LRRC4C: variants seen among roughly 807,000 people sequenced by gnomAD.
LRRC4C encodes leucine rich repeat containing 4C, also known as leucine-rich repeat-containing protein 4C.
In LRRC4C, 5 loss-of-function variants were observed where a neutral mutation model predicts 33.6. The ratio of observed to expected loss-of-function variants is 0.15; its 90% CI spans 0.08 to 0.31. The LOEUF is 0.31. Ranked by LOEUF, LRRC4C falls within the 10% of genes least tolerant of loss-of-function variation. LRRC4C has a pLI of 1.00. For missense variants in LRRC4C, 560 were observed against 796.7 expected (o/e 0.70, Z 3.58); for synonymous variants, 329 against 302.0 (o/e 1.09, Z -0.93).
At chr11:41,076,010 A>C (rs909239061) in intron 1 of LRRC4C, among the ~76,000 whole-genome samples, 1 of 152,120 alleles carries the variant, frequency 6.6e-6, no homozygotes, top group African/African-American at 2.4e-5. Context: ...TCTTGTCTTG[A>C]TGTCTAAACA....
intron 1 of LRRC4C, among the ~76,000 whole-genome samples, chr11:41,231,615 TG>T (rs1591008766): frequency 1.8e-5 from 1 of 55,518 alleles, no homozygotes; most frequent in Non-Finnish European, 3.5e-5. Flanking sequence ...GGGCCCCTTG[TG>T]GGGTGGGGGG....
chr11:41,028,458 T>A (rs1330121479), intron 1 of LRRC4C, among the ~76,000 whole-genome samples: 1 of 151,626 alleles, frequency 6.6e-6, no homozygotes, highest in African/African-American at 2.4e-5. Context: ...TCAGAATTAT[T>A]GCAATTTCAT....
chr11:40,809,876 C>T (rs1951414602), intron 2 of LRRC4C, among the ~76,000 whole-genome samples: 1 of 152,058 alleles, frequency 6.6e-6, no homozygotes, highest in South Asian at 2.1e-4. Flanking sequence ...CATTTTATTT[C>T]CAAGACTTAT....
At chr11:40,814,346 C>T (rs1051470745) in intron 2 of LRRC4C, among the ~76,000 whole-genome samples, 1 of 152,100 alleles carries the variant, frequency 6.6e-6, no homozygotes, top group Non-Finnish European at 1.5e-5. Context: ...TTGAGCTGTA[C>T]CTTGGCTCCT....
intron 1 of LRRC4C, among the ~76,000 whole-genome samples, chr11:40,984,457 G>A (rs1012282306): frequency 2.6e-5 from 4 of 152,072 alleles, no homozygotes; most frequent in Non-Finnish European, 5.9e-5. Flanking sequence ...AAGACAGACA[G>A]ACATGACATT....
intron 6 of LRRC4C, among the ~76,000 whole-genome samples, chr11:40,128,389 T>C (rs1398416243): frequency 6.6e-6 from 1 of 152,234 alleles, no homozygotes; most frequent in Non-Finnish European, 1.5e-5. Flanking sequence ...GTCTGTCTAC[T>C]TTTCCTCATT....
At chr11:41,200,198 G>A (rs1433127683) in intron 1 of LRRC4C, among the ~76,000 whole-genome samples, 1 of 152,050 alleles carries the variant, frequency 6.6e-6, no homozygotes, top group Non-Finnish European at 1.5e-5. Context: ...GTTGATCTGG[G>A]TCTTGTTTAT....
At chr11:40,348,934 TTTTTTA>T (rs1183580153) in intron 3 of LRRC4C, among the ~76,000 whole-genome samples, 3 of 152,192 alleles carry the variant, frequency 2.0e-5, no homozygotes, top group African/African-American at 7.2e-5. Flanking sequence ...GTGTATTTAA[TTTTTTA>T]TTTTTATGTG....
chr11:40,431,287 C>A (rs544147506), intron 3 of LRRC4C, among the ~76,000 whole-genome samples: 1 of 149,400 alleles, frequency 6.7e-6, no homozygotes, highest in Non-Finnish European at 1.5e-5. Context: ...ATTAGCCAGG[C>A]GTGGTGGTGC....
intron 3 of LRRC4C, among the ~76,000 whole-genome samples, chr11:40,325,825 G>C (rs913864902): frequency 6.6e-6 from 1 of 151,922 alleles, no homozygotes; most frequent in Non-Finnish European, 1.5e-5. Context: ...AGCCTTTATT[G>C]GTGAAATTAA....
chr11:40,166,269 C>G (rs1160848221), intron 5 of LRRC4C, among the ~76,000 whole-genome samples: 1 of 152,156 alleles, frequency 6.6e-6, no homozygotes, highest in Non-Finnish European at 1.5e-5. Flanking sequence ...AATGGAATAC[C>G]ATATAGCTGG....
Position 40,724,408 on chromosome 11 carries a change from T to C in LRRC4C, c.-406-76130A>G, listed in dbSNP as rs534953009. ...AAAATCAAAATTATACCAAGCATACTATTGAGCCAGAGTGAAACAAAAATA... is the reference window on the plus strand; with the variant it reads ...AAAATCAAAATTATACCAAGCATACCATTGAGCCAGAGTGAAACAAAAATA... On this transcript the variant is annotated intron_variant, in intron 2 of 6. Coordinates refer to ENST00000528697, the MANE Select transcript of LRRC4C (RefSeq NM_001258419.2). Among the ~76,000 whole-genome samples the C allele has an allele frequency of 1.4e-3, 211 of 152,262 alleles. 1 individual carries two copies. Among genetic ancestry groups the C allele is most frequent in the African/African-American group, 4.9e-3 (205 of 41,548 alleles).
intron 3 of LRRC4C, among the ~76,000 whole-genome samples, chr11:40,584,547 G>A (rs144021701): frequency 2.2e-3 from 338 of 152,092 alleles, no homozygotes; most frequent in Middle Eastern, 6.8e-3. Flanking sequence ...TTAATCATGG[G>A]ATGGAAAAAC....
chr11:40,157,122 C>A (rs1294187871), intron 5 of LRRC4C, among the ~76,000 whole-genome samples: 1 of 152,110 alleles, frequency 6.6e-6, no homozygotes, highest in Admixed American at 6.5e-5. Flanking sequence ...ATACAGCCAA[C>A]TGATCTCTGA....
intron 4 of LRRC4C, among the ~76,000 whole-genome samples, chr11:40,278,077 A>G (rs1351677503): frequency 2.0e-5 from 3 of 152,196 alleles, no homozygotes; most frequent in Non-Finnish European, 4.4e-5. Flanking sequence ...GTCACTGCAT[A>G]AGTAAGAATT....
intron 1 of LRRC4C, among the ~76,000 whole-genome samples, chr11:41,409,922 G>GT (rs544378416): frequency 2.0e-3 from 300 of 152,254 alleles, no homozygotes; most frequent in Admixed American, 9.0e-3. Context: ...TAATATTAAT[G>GT]TTTTTTTATT....
chr11:41,015,530 T>G (rs2137592325), intron 1 of LRRC4C, among the ~76,000 whole-genome samples: 1 of 152,158 alleles, frequency 6.6e-6, no homozygotes, highest in South Asian at 2.1e-4. Context: ...GTCAGTCTGG[T>G]TTTGAACTCC....
chr11:40,634,003 A>G (rs1361571387), intron 3 of LRRC4C, among the ~76,000 whole-genome samples: 1 of 152,194 alleles, frequency 6.6e-6, no homozygotes, highest in East Asian at 1.9e-4. Context: ...TCTTCTCTTA[A>G]TTAAGTATAA....
At chr11:40,796,536 A>G (rs1444372356) in intron 2 of LRRC4C, among the ~76,000 whole-genome samples, 1 of 152,146 alleles carries the variant, frequency 6.6e-6, no homozygotes, top group Non-Finnish European at 1.5e-5. Context: ...CACTAGTGCA[A>G]AGGACCAGGG....
Sources: gnomAD v4.1 joint callset for allele counts (sites outside exome capture counted in the v4.1 genomes callset) on GRCh38, gnomAD v4.1.1 for gene constraint, MANE v1.5 for transcripts, NCBI Gene and HGNC (gene_info 2026-07-23, HGNC 2026-07-21) for gene names.